WDFY4: variants seen among roughly 807,000 people sequenced by gnomAD.
WDFY4 encodes WDFY family member 4.
A neutral mutation model predicts 351.9 loss-of-function variants in WDFY4; 169 were observed. That is an observed-to-expected ratio of 0.48 (90% CI 0.42 to 0.55). The LOEUF (loss-of-function observed/expected upper bound fraction) is 0.55. Among genes scored for constraint, WDFY4 ranks in the 20% least tolerant of loss-of-function variants. WDFY4 has a pLI of 0.00. For synonymous variants in WDFY4, 1,622 were observed against 1,574.6 expected, an observed-to-expected ratio of 1.03 and a Z score of -0.71; for missense variants, 3,803 against 3,935.6, an observed-to-expected ratio of 0.97 and a Z score of 0.90.
chr10:48,792,369 C>T (rs1016608191), intron 23 of WDFY4, among the ~76,000 whole-genome samples: 1 of 152,204 alleles, frequency 6.6e-6, no homozygotes, highest in African/African-American at 2.4e-5. Context: ...GCTCAGTCTA[C>T]ACATCTCTAC....
intron 46 of WDFY4, 129 bp from the exon 47 acceptor site, chr10:48,901,672 C>A: frequency 1.0e-6 from 1 of 993,648 alleles, no homozygotes; most frequent in Non-Finnish European, 1.5e-6. Flanking sequence ...TGTTCACGAC[C>A]TGGGGGCAGG....
intron 43 of WDFY4, among the ~76,000 whole-genome samples, chr10:48,889,564 G>C (rs1236397791): frequency 3.3e-5 from 5 of 152,114 alleles, no homozygotes; most frequent in Non-Finnish European, 7.4e-5. Context: ...AAATTACCAT[G>C]AGAAAATGCT....
At chr10:48,873,800 T>G (rs775040088) in intron 41 of WDFY4, 103 bp downstream of exon 41, 54 of 1,298,396 alleles carry the variant, frequency 4.2e-5, no homozygotes, top group Non-Finnish European at 5.6e-5. Context: ...CAGGCTAAGA[T>G]AACACATGCA....
In WDFY4 at chr10:48,709,798, G is replaced by A. The variant is rs1329054692; in HGVS notation, c.66G>A (p.Gly22=). The stretch of plus-strand genomic sequence containing the variant: ...AAGACCCAGGTTCCAAAAATGAAGG[G>A]CAGCTTGCTGCTGTGCAGCCTGATG... The part of the protein sequence containing the change: ...RNEDPGSKNE[G]QLAAVQPDVP... Residue 22 remains glycine (G), a synonymous_variant, in exon 2 of 62, where the codon GGG becomes GGA. Transcript: ENST00000325239. 6.4e-7 allele frequency: 1 copy of A among 1,551,908 alleles called. No individual in the cohort carries two copies. Among genetic ancestry groups the A allele is most frequent in the Admixed American group, 2.0e-5 (1 of 51,010 alleles).
intron 47 of WDFY4, among the ~76,000 whole-genome samples, chr10:48,927,791 G>C (rs777052801): frequency 6.6e-6 from 1 of 152,166 alleles, no homozygotes. Flanking sequence ...AAAAGATTAT[G>C]CTTTCTTATT....
chr10:48,781,035 T>C (rs192493526), intron 19 of WDFY4, among the ~76,000 whole-genome samples: 5 of 152,304 alleles, frequency 3.3e-5, no homozygotes, highest in African/African-American at 9.6e-5. Flanking sequence ...CCTTGCCCAG[T>C]TGTGACCACC....
intron 31 of WDFY4, 53 bp from the exon 32 acceptor site, chr10:48,817,192 G>T: frequency 6.5e-7 from 1 of 1,534,916 alleles, no homozygotes. Context: ...TCTGGTTAGG[G>T]AGGCAGCGCC....
chr10:48,889,639 T>A (rs1490329041), intron 43 of WDFY4, among the ~76,000 whole-genome samples: 4 of 152,214 alleles, frequency 2.6e-5, no homozygotes, highest in African/African-American at 9.6e-5. Context: ...TTCACTCACT[T>A]GTTCCTTTAG....
At chr10:48,879,062 G>A (rs1306129810) in intron 43 of WDFY4, among the ~76,000 whole-genome samples, 1 of 152,192 alleles carries the variant, frequency 6.6e-6, no homozygotes, top group East Asian at 1.9e-4. Context: ...TAACAGTTGG[G>A]ATATATCAAT....
At chr10:48,952,088 C>T (rs1488785445) in intron 51 of WDFY4, among the ~76,000 whole-genome samples, 1 of 152,110 alleles carries the variant, frequency 6.6e-6, no homozygotes, top group African/African-American at 2.4e-5. Flanking sequence ...CAGCACTTGG[C>T]CCATCCTGGC....
In WDFY4 at chr10:48,826,824, T is replaced by A. The variant is rs1327624706; in HGVS notation, c.6136T>A (p.Trp2046Arg). 4 of 1,551,928 alleles carry A rather than the reference T, an allele frequency of 2.6e-6. No homozygotes were observed. Among genetic ancestry groups the A allele is most frequent in the Non-Finnish European group, 3.5e-6 (4 of 1,147,016 alleles). ...LSILGFLQEH[W>R]DVVFATYNSN... ...CATCCTGGGCTTTCTGCAGGAGCAC[T>A]GGGATGTTGTCTTTGCCACCTACAA... The change falls in exon 36 of 62, where the codon TGG becomes AGG. Residue 2046 changes from tryptophan to arginine, a missense_variant. By Grantham distance (101) the Trp-to-Arg change is moderately radical. Around this residue, in one of 3 missense-constraint regions of WDFY4, gnomAD observed 3,054 missense variants for 3,148.6 expected, o/e 0.97. Coordinates refer to ENST00000325239, the MANE Select transcript of WDFY4 (RefSeq NM_001394531.1).
intron 1 of WDFY4, among the ~76,000 whole-genome samples, chr10:48,706,427 G>A (rs892195865): frequency 1.3e-5 from 2 of 152,176 alleles, no homozygotes; most frequent in Non-Finnish European, 2.9e-5. Context: ...GAGCTCTGCA[G>A]GAGACCGAGC....
intron 13 of WDFY4, among the ~76,000 whole-genome samples, chr10:48,763,868 G>C (rs952046640): frequency 6.6e-6 from 1 of 152,186 alleles, no homozygotes; most frequent in African/African-American, 2.4e-5. Flanking sequence ...ATTAATTTCT[G>C]TAAGGGAGTG....
rs2068229706 is a variant in WDFY4, at chr10:48,832,652, C to T, written c.6606C>T (p.Ser2202=). Residue 2202 remains serine, a synonymous_variant, in exon 39 of 62, where the codon TCC becomes TCT. Transcript: ENST00000325239. ...SKVTLWSGSL[S]SAMKLMPGRQ... is the part of the protein sequence containing the mutation. ...TCACTTTGTGGAGTGGAAGCCTGTCCTCAGCCATGAAGCTGATGCCCGGGC... is the reference window on the plus strand; with the variant it reads ...TCACTTTGTGGAGTGGAAGCCTGTCTTCAGCCATGAAGCTGATGCCCGGGC... The T allele has an allele frequency of 6.4e-7, 1 of 1,551,094 alleles. No individual in the cohort carries two copies. Among genetic ancestry groups the T allele is most frequent in the African/African-American group, 1.4e-5 (1 of 73,162 alleles).
At chr10:48,948,457 G>A (rs140559323) in intron 51 of WDFY4, among the ~76,000 whole-genome samples, 47 of 152,296 alleles carry the variant, frequency 3.1e-4, no homozygotes, top group African/African-American at 1.1e-3. Context: ...GTGTTTAAGT[G>A]TTCAGAATGC....
At chr10:48,837,308 G>A (rs1401548599) in intron 39 of WDFY4, among the ~76,000 whole-genome samples, 1 of 152,112 alleles carries the variant, frequency 6.6e-6, no homozygotes, top group African/African-American at 2.4e-5. Context: ...GACATAACAG[G>A]TGGTAAGAAA....
At chr10:48,894,528 T>A (rs1836974637) in intron 44 of WDFY4, among the ~76,000 whole-genome samples, 1 of 152,216 alleles carries the variant, frequency 6.6e-6, no homozygotes, top group Admixed American at 6.5e-5. Flanking sequence ...TAAGTCATGG[T>A]CAGTATAAGG....
At chr10:48,687,465 T>C (rs1031288874) in intron 1 of WDFY4, among the ~76,000 whole-genome samples, 4 of 152,168 alleles carry the variant, frequency 2.6e-5, no homozygotes, top group African/African-American at 9.7e-5. Flanking sequence ...CAAAAAATGT[T>C]ATAATATTAC....
At chr10:48,945,991 G>A (rs1165387505) in intron 49 of WDFY4, 49 bp from the exon 50 acceptor site, 4 of 1,300,338 alleles carry the variant, frequency 3.1e-6, no homozygotes, top group Admixed American at 2.9e-5. Flanking sequence ...GGCTCCTAGG[G>A]CACAAGCGGG....
Sources: gnomAD v4.1 joint callset for allele counts (sites outside exome capture counted in the v4.1 genomes callset) on GRCh38, gnomAD v4.1.1 for gene constraint, gnomAD v4.1.1 regional missense constraint, MANE v1.5 for transcripts, NCBI Gene and HGNC (gene_info 2026-07-23, HGNC 2026-07-21) for gene names.